Variants in TCF4 observed in about 807,000 individuals in gnomAD.
TCF4 encodes the protein SL3-3 enhancer factor 2.
A neutral mutation model predicts 82.1 loss-of-function variants in TCF4; 3 were observed. That is an observed-to-expected ratio of 0.04 (90% CI 0.02 to 0.09). TCF4 has a LOEUF of 0.09. TCF4 is among the 10% of genes least tolerant of loss of function. The probability of loss-of-function intolerance (pLI) is 1.00; values close to 1 mark genes in which losing one functional copy is unlikely to be tolerated. For missense variants in TCF4, 518 were observed against 852.7 expected (o/e 0.61, Z 4.89); for synonymous variants, 276 against 309.6 (o/e 0.89, Z 1.14).
intron 2 of TCF4, among the ~76,000 whole-genome samples, chr18:55,622,206 T>C (rs1166834109): frequency 3.3e-5 from 5 of 149,472 alleles, no homozygotes; most frequent in Non-Finnish European, 7.4e-5. Flanking sequence ...TTTTCTTTTA[T>C]GTAGACTTAA....
At chr18:55,432,519 G>GGA (rs1488124340) in intron 5 of TCF4, among the ~76,000 whole-genome samples, 1 of 151,982 alleles carries the variant, frequency 6.6e-6, no homozygotes, top group Non-Finnish European at 1.5e-5. Context: ...ACACAGAAAG[G>GGA]GAGACTGGGG....
At chr18:55,353,326 A>C (rs1159810719) in intron 6 of TCF4, among the ~76,000 whole-genome samples, 2 of 152,190 alleles carry the variant, frequency 1.3e-5, no homozygotes, top group East Asian at 3.8e-4. Flanking sequence ...AGTCATAATA[A>C]ATCACGCATC....
chr18:55,622,026 ATATATTATATATACAC>A (rs1231844005), intron 2 of TCF4, among the ~76,000 whole-genome samples: 10 of 135,170 alleles, frequency 7.4e-5, no homozygotes, highest in Non-Finnish European at 1.1e-4. Flanking sequence ...TATATACACT[ATATATTATATATACAC>A]TATATATAAT....
At position 55,229,090 on chromosome 18, in the gene TCF4, G is replaced by A. The variant is rs569480730; in HGVS notation, c.1650-14C>T. Reference sequence around the variant, plus strand: ...TCGTCATTATTGCTGTGGGACAAAAGGGATGCAACATTTTCTAATGGTGTG... The same window carrying A: ...TCGTCATTATTGCTGTGGGACAAAAAGGATGCAACATTTTCTAATGGTGTG... On this transcript the variant is annotated splice_polypyrimidine_tract_variant and intron_variant, in intron 17 of 19. Coordinates refer to ENST00000354452, the MANE Select transcript of TCF4 (RefSeq NM_001083962.2). The A allele has an allele frequency of 6.1e-4, 979 of 1,613,286 alleles. 20 individuals are homozygous for A. The South Asian group carries it at 9.8e-3, about 16-fold the overall frequency.
At chr18:55,373,857 A>G (rs1332311830) in intron 6 of TCF4, among the ~76,000 whole-genome samples, 1 of 152,036 alleles carries the variant, frequency 6.6e-6, no homozygotes, top group Non-Finnish European at 1.5e-5. Context: ...AGTATTCATT[A>G]TTTTCAAATG....
Position 55,228,655 on chromosome 18 carries a change from A to C in TCF4, c.1879+192T>G, listed in dbSNP as rs147378214. Among the ~76,000 whole-genome samples the C allele has an allele frequency of 1.8e-3, 274 of 152,378 alleles. No homozygotes were observed. The East Asian group carries it at 0.021, about 12-fold the overall frequency. Reference sequence around the variant, plus strand: ...GCAATATAATCTTAGTTATAAGAGAATCCCACAACTTAATTACAGGAGAAA... The same window carrying C: ...GCAATATAATCTTAGTTATAAGAGACTCCCACAACTTAATTACAGGAGAAA... On this transcript the variant is annotated intron_variant, in intron 18 of 19. Transcript: ENST00000354452.
intron 8 of TCF4, among the ~76,000 whole-genome samples, chr18:55,292,749 T>C (rs754569571): frequency 2.2e-4 from 33 of 152,106 alleles, no homozygotes; most frequent in Non-Finnish European, 4.1e-4. Flanking sequence ...TACATATATG[T>C]ATACATATAT....
At chr18:55,248,978 C>T (rs1414289541) in intron 15 of TCF4, among the ~76,000 whole-genome samples, 1 of 152,094 alleles carries the variant, frequency 6.6e-6, no homozygotes, top group Admixed American at 6.5e-5. Context: ...CTCCTGACCT[C>T]GAGTGATCCA....
intron 5 of TCF4, among the ~76,000 whole-genome samples, chr18:55,429,349 T>C (rs2095102904): frequency 6.6e-6 from 1 of 152,214 alleles, no homozygotes; most frequent in African/African-American, 2.4e-5. Flanking sequence ...TGAATGACTA[T>C]ACTTCACACC....
At chr18:55,545,611 G>A (rs1045885254) in intron 3 of TCF4, among the ~76,000 whole-genome samples, 2 of 152,074 alleles carry the variant, frequency 1.3e-5, no homozygotes, top group Admixed American at 1.3e-4. Context: ...ACCACACCTG[G>A]CTAATTTTTG....
rs113414846 is a variant in TCF4, at chr18:55,588,038, C to G, written c.-21G>C. 1.0e-6 allele frequency: 1 copy of G among 982,816 alleles called. No individual in the cohort carries two copies. The highest frequency in any genetic ancestry group is 1.2e-6 in the Non-Finnish European group (1 of 828,950). 60.9% of individuals were successfully genotyped at this position (982,816 alleles called of 1,614,324 possible). On this transcript the variant is annotated splice_region_variant and 5_prime_UTR_variant, in exon 1 of 20. Transcript: ENST00000354452. ...GAGCCCCGCAGGCGCCGGTACCTAC[C>G]GCCCGCGCGCGAGAAGGGGCTCTCC...
intron 3 of TCF4, among the ~76,000 whole-genome samples, chr18:55,524,185 A>G (rs1341772097): frequency 6.6e-6 from 1 of 152,124 alleles, no homozygotes; most frequent in African/African-American, 2.4e-5. Flanking sequence ...TAAAATATGT[A>G]GAACAGGCAG....
chr18:55,414,248 T>G lies in TCF4; in HGVS notation c.305-10730A>C, dbSNP rs527946396. Among the ~76,000 whole-genome samples the G allele has an allele frequency of 3.3e-5, 5 of 152,242 alleles. No individual in the cohort carries two copies. The South Asian group carries it at 6.2e-4, about 19-fold the overall frequency. On this transcript the variant is annotated intron_variant, in intron 5 of 19. Transcript: ENST00000354452. ...TAAGTAAAGACTATTAAGTAAAAAT[T>G]TATATCATTTATCCAAAACAAATTT... is the stretch of plus-strand genomic sequence containing the variant.
At chr18:55,384,041 G>A (rs2092331723) in intron 6 of TCF4, 1 of 152,182 alleles carries the variant, frequency 6.6e-6, no homozygotes, top group Non-Finnish European at 1.5e-5. Context: ...TACTAAGAAA[G>A]ACTCACAGTC....
chr18:55,347,992 A>G (rs2081544732), intron 8 of TCF4, among the ~76,000 whole-genome samples: 1 of 152,192 alleles, frequency 6.6e-6, no homozygotes, highest in Non-Finnish European at 1.5e-5. Flanking sequence ...AAATAGTCAT[A>G]ATTTTATTTG....
upstream of TCF4, chr18:55,589,517 C>T (rs2097679422): frequency 1.9e-6 from 2 of 1,052,984 alleles, no homozygotes; most frequent in Admixed American, 5.5e-5. Context: ...AATTCCCTCC[C>T]CCAAAAAAGA....
intron 8 of TCF4, among the ~76,000 whole-genome samples, chr18:55,309,426 T>G (rs185790429): frequency 5.9e-5 from 9 of 152,250 alleles, no homozygotes; most frequent in Non-Finnish European, 1.2e-4. Context: ...CTGGCCTTCA[T>G]TTGAATGTTA....
rs1433275660 is a variant in TCF4, at chr18:55,223,324, T to C, written c.*4711A>G. 2.6e-5 allele frequency: 4 copies of C among 152,692 alleles called. No individual in the cohort carries two copies. The highest frequency in any genetic ancestry group is 2.0e-4 in the Admixed American group (3 of 15,302). 9.5% of individuals were successfully genotyped at this position (152,692 alleles called of 1,614,324 possible). On this transcript the variant is annotated 3_prime_UTR_variant, in exon 20 of 20. Transcript: ENST00000354452. ...ATTTGTTTTTGTGATTTTTTTTGTA[T>C]GTTTTGTTTGTTAAGCTGTCAATAC...
intron 3 of TCF4, among the ~76,000 whole-genome samples, chr18:55,484,655 A>G (rs962555312): frequency 2.6e-5 from 4 of 152,198 alleles, no homozygotes; most frequent in Admixed American, 1.3e-4. Flanking sequence ...ATCTATTATA[A>G]AAGCTCACTC....
Sources: allele counts gnomAD v4.1 joint callset (sites outside exome capture counted in the v4.1 genomes callset), GRCh38; gene constraint gnomAD v4.1.1; transcripts MANE v1.5; gene names NCBI Gene and HGNC (gene_info 2026-07-23, HGNC 2026-07-21).